The following ZMIZ2 variants were observed in gnomAD, a reference collection of about 807,000 sequenced individuals.
ZMIZ2 encodes zinc finger MIZ domain-containing protein 2.
ZMIZ2 carries 26 observed loss-of-function variants against 93.9 expected under a neutral mutation model. That is an observed-to-expected ratio of 0.28 (90% confidence interval 0.20 to 0.38). The LOEUF is 0.38. Among genes scored for constraint, ZMIZ2 ranks in the 10% least tolerant of loss-of-function variants. ZMIZ2 has a pLI of 1.00. For missense variants in ZMIZ2, 1,023 were observed against 1,235.0 expected (o/e 0.83, Z 2.57); for synonymous variants, 485 against 516.4 (o/e 0.94, Z 0.82).
chr7:44,750,429 A>AAC (rs2116580201), intron 1 of ZMIZ2, among the ~76,000 whole-genome samples: 1 of 152,310 alleles, frequency 6.6e-6, no homozygotes, highest in Non-Finnish European at 1.5e-5. Flanking sequence ...CCGCTCCTGC[A>AAC]ACATTCCACA....
In ZMIZ2 at chr7:44,766,814, G is replaced by GAT; in HGVS notation, c.2655+153_2655+154dup. The GAT allele has an allele frequency of 7.7e-7, 1 of 1,303,802 alleles. No individual in the cohort carries two copies. The highest frequency in any genetic ancestry group is 2.5e-5 in the East Asian group (1 of 40,358). 80.8% of individuals were successfully genotyped at this position (1,303,802 alleles called of 1,614,324 possible). A position where few individuals can be genotyped will look rare whatever the true frequency, so the allele number is the denominator to read the frequency against. On this transcript the variant is annotated intron_variant, in intron 18 of 18. Transcript: ENST00000309315. This position sits in a 1 kb window ranked among gnomAD's most constrained non-coding sequence, Gnocchi z 4.4. ...AAATGCAGCTTTTGTTCATGAATTA[G>GAT]ATACCTGGAGTAGCTGCGGGTGGGA...
intron 1 of ZMIZ2, among the ~76,000 whole-genome samples, chr7:44,753,853 T>G (rs916464700): frequency 1.3e-5 from 2 of 152,194 alleles, no homozygotes; most frequent in Admixed American, 1.3e-4. Context: ...GTATAAGGTG[T>G]GAAGTTTAGG....
intron 13 of ZMIZ2, among the ~76,000 whole-genome samples, 183 bp from the exon 14 acceptor site, chr7:44,764,236 G>T (rs1274402362): frequency 6.6e-6 from 1 of 152,234 alleles, no homozygotes; most frequent in Non-Finnish European, 1.5e-5. Context: ...CTCAGTGAGA[G>T]CTGTTTGGGC....
At chr7:44,762,005 G>T in intron 11 of ZMIZ2, 100 bp downstream of exon 11, 1 of 1,207,348 alleles carries the variant, frequency 8.3e-7, no homozygotes, top group Non-Finnish European at 1.1e-6. Context: ...TGTGGGCGGG[G>T]CCTGGCCCAG....
rs753993071 is a variant in ZMIZ2, at chr7:44,760,502, C to T, written c.1149C>T (p.Ser383=). The T allele has an allele frequency of 5.6e-6, 9 of 1,614,038 alleles. No individual in the cohort carries two copies. The highest frequency in any genetic ancestry group is 2.2e-5 in the South Asian group (2 of 91,092). The part of the protein sequence containing the change: ...NPTPPMTPSS[S]VPYMSPNQEV... The stretch of plus-strand genomic sequence containing the variant: ...CGCCACCCATGACCCCAAGCAGCAG[C>T]GTCCCTTACATGTCACCAAACCAAG... Residue 383 remains serine (S), a synonymous_variant, in exon 9 of 19, where the codon AGC becomes AGT. Coordinates refer to ENST00000309315, the MANE Select transcript of ZMIZ2 (RefSeq NM_031449.4).
At position 44,757,441 on chromosome 7, in the gene ZMIZ2, C is replaced by T; in HGVS notation, c.432C>T (p.Phe144=). 1 of 1,606,782 alleles carries T rather than the reference C, an allele frequency of 6.2e-7. No homozygotes were observed. Among genetic ancestry groups the T allele is most frequent in the Non-Finnish European group, 8.5e-7 (1 of 1,179,916 alleles). The change falls in exon 5 of 19, where the codon TTC becomes TTT. Residue 144 remains phenylalanine, a synonymous_variant. Coordinates refer to ENST00000309315, the MANE Select transcript of ZMIZ2 (RefSeq NM_031449.4). The part of the protein sequence containing the change: ...PSHAARPSTD[F]TQAAAAAAVA... ...ATGCTGCAAGACCCTCCACTGACTTCACGCAAGCGGCAGCTGCTGCAGCTG... is the reference window on the plus strand; with the variant it reads ...ATGCTGCAAGACCCTCCACTGACTTTACGCAAGCGGCAGCTGCTGCAGCTG...
rs766559282 is a variant in ZMIZ2 at position 44,767,649 on chromosome 7, G to A, written c.*26G>A. ...TCCTGTGTTTACCCCAAGCCCGGCGGGGACACGCTCACAGATGTCACCACA... is the reference window on the plus strand; with the variant it reads ...TCCTGTGTTTACCCCAAGCCCGGCGAGGACACGCTCACAGATGTCACCACA... On this transcript the variant is annotated 3_prime_UTR_variant, in exon 19 of 19. Transcript: ENST00000309315. The A allele has an allele frequency of 1.9e-6, 3 of 1,597,184 alleles. No individual in the cohort carries two copies. Among genetic ancestry groups the A allele is most frequent in the South Asian group, 2.2e-5 (2 of 90,654 alleles).
At position 44,765,655 on chromosome 7, in the gene ZMIZ2, C is replaced by A. The variant is rs1003159598; in HGVS notation, c.2242+76C>A. The A allele has an allele frequency of 6.5e-6, 10 of 1,536,858 alleles. No homozygotes were observed. Among genetic ancestry groups the A allele is most frequent in the Non-Finnish European group, 8.8e-6 (10 of 1,141,896 alleles). ...TCCTCTCCCCAGATCAGTCTCCTCA[C>A]CTGCAAGAATGTGGCTATGCAGGTC... On this transcript the variant is annotated intron_variant, in intron 16 of 18. Transcript: ENST00000309315. This position sits in a 1 kb window ranked among gnomAD's most constrained non-coding sequence, Gnocchi z 4.1.
Position 44,768,383 on chromosome 7 carries a change from C to T in ZMIZ2, c.*760C>T, listed in dbSNP as rs1016287601. On this transcript the variant is annotated 3_prime_UTR_variant, in exon 19 of 19. Coordinates refer to ENST00000309315, the MANE Select transcript of ZMIZ2 (RefSeq NM_031449.4). Reference sequence around the variant, plus strand: ...GTGCAGACAGATCAGGGAGGAACCTCCAATGGGTGGGGGACAGTGAGCTTC... The same window carrying T: ...GTGCAGACAGATCAGGGAGGAACCTTCAATGGGTGGGGGACAGTGAGCTTC... 6.5e-6 allele frequency: 1 copy of T among 152,722 alleles called. No homozygotes were observed. Among genetic ancestry groups the T allele is most frequent in the African/African-American group, 2.4e-5 (1 of 41,466 alleles). 9.5% of individuals were successfully genotyped at this position (152,722 alleles called of 1,614,324 possible).
intron 11 of ZMIZ2, 24 bp from the exon 12 acceptor site, chr7:44,762,857 T>G: frequency 2.2e-4 from 347 of 1,570,944 alleles, no homozygotes; most frequent in Middle Eastern, 3.4e-4. Context: ...GTCCCCCTGA[T>G]GACATCCTCC....
chr7:44,767,742 C>A lies in ZMIZ2; in HGVS notation c.*119C>A, dbSNP rs565213481. 3.5e-4 allele frequency: 302 copies of A among 872,128 alleles called. 1 individual carries two copies. The Middle Eastern group carries it at 3.6e-3, about 10-fold the overall frequency. The allele number at this position is 872,128 out of a possible 1,614,324, so 54.0% of individuals were successfully genotyped here. A position where few individuals can be genotyped will look rare whatever the true frequency, so the allele number is the denominator to read the frequency against. On this transcript the variant is annotated 3_prime_UTR_variant, in exon 19 of 19. Coordinates refer to ENST00000309315, the MANE Select transcript of ZMIZ2 (RefSeq NM_031449.4). ...TTTCCCAAACCTCCCCCAAAACACA[C>A]CTGGAGCCAGAGCCTTCTGCCGCCA...
chr7:44,757,182 A>C (rs1401869895), intron 4 of ZMIZ2, 33 bp downstream of exon 4: 7 of 1,568,488 alleles, frequency 4.5e-6, no homozygotes, highest in Non-Finnish European at 6.0e-6. Context: ...CAGGTATGCT[A>C]GGAGCCATCA....
Position 44,763,686 on chromosome 7 carries a change from C to G in ZMIZ2, c.1860+273C>G. 1 of 489,600 alleles carries G rather than the reference C, an allele frequency of 2.0e-6. No individual in the cohort carries two copies. The allele number at this position is 489,600 out of a possible 1,614,324, so 30.3% of individuals were successfully genotyped here. ...TTGAAAGGCATAAGATTGCAGGGTC[C>G]AGTCTTCCTGCCCTACCCCCAAGGG... On this transcript the variant is annotated intron_variant, in intron 13 of 18. Coordinates refer to ENST00000309315, the MANE Select transcript of ZMIZ2 (RefSeq NM_031449.4). This position sits in a 1 kb window ranked among gnomAD's most constrained non-coding sequence, Gnocchi z 5.6.
rs777552169 is a variant in ZMIZ2 at position 44,758,099 on chromosome 7, C to T, written c.804C>T (p.Thr268=). 6.4e-7 allele frequency: 1 copy of T among 1,571,560 alleles called. No homozygotes were observed. The highest frequency in any genetic ancestry group is 8.6e-7 in the Non-Finnish European group (1 of 1,161,220). The stretch of plus-strand genomic sequence containing the variant: ...TGCCCCGACAGGGGGTCAAGAGAAC[C>T]TACTCTGAGGTGAGTGTCCAGGTCA... The part of the protein sequence containing the change: ...QPLPRQGVKR[T]YSEVYPGQQY... The change falls in exon 6 of 19, where the codon ACC becomes ACT. Residue 268 remains threonine, a synonymous_variant. Coordinates refer to ENST00000309315, the MANE Select transcript of ZMIZ2 (RefSeq NM_031449.4).
intron 7 of ZMIZ2, 83 bp downstream of exon 7, chr7:44,759,543 G>A (rs1210425883): frequency 4.1e-6 from 5 of 1,222,988 alleles, no homozygotes; most frequent in South Asian, 5.5e-5. Context: ...TCCTGTCCTC[G>A]AGAGCGACAG....
chr7:44,752,730 C>T (rs1307747615), intron 1 of ZMIZ2, among the ~76,000 whole-genome samples: 1 of 152,184 alleles, frequency 6.6e-6, no homozygotes, highest in Non-Finnish European at 1.5e-5. Context: ...TATGGATGTA[C>T]CACCGTTGAT....
At position 44,769,760 on chromosome 7, in the gene ZMIZ2, G is replaced by A. The variant is rs1232985639; in HGVS notation, c.*2137G>A. On this transcript the variant is annotated 3_prime_UTR_variant, in exon 19 of 19. Coordinates refer to ENST00000309315, the MANE Select transcript of ZMIZ2 (RefSeq NM_031449.4). The stretch of plus-strand genomic sequence containing the variant: ...TCCTCAGAAGACTGGAGAAATGATT[G>A]AGGAATGCATGGGCACCGTGGCCCT... The A allele has an allele frequency of 6.6e-6, 1 of 152,356 alleles. No individual in the cohort carries two copies. The highest frequency in any genetic ancestry group is 6.5e-5 in the Admixed American group (1 of 15,284). The allele number at this position is 152,356 out of a possible 1,614,324, so 9.4% of individuals were successfully genotyped here.
In ZMIZ2 at chr7:44,765,213, G is replaced by C. The variant is rs1791579880; in HGVS notation, c.1998-122G>C. On this transcript the variant is annotated intron_variant, in intron 15 of 18. Transcript: ENST00000309315. This position sits in a 1 kb window ranked among gnomAD's most constrained non-coding sequence, Gnocchi z 4.1. ...CGTCCTGCTCGATGTGGAAGGTGCT[G>C]GGTGGAAGCAAGCATTTGAGTGGGG... The C allele has an allele frequency of 6.5e-7, 1 of 1,541,360 alleles. No individual in the cohort carries two copies. The highest frequency in any genetic ancestry group is 8.8e-7 in the Non-Finnish European group (1 of 1,140,464).
chr7:44,765,336 T>G lies in ZMIZ2; in HGVS notation c.1999T>G (p.Ser667Ala). The G allele has an allele frequency of 6.2e-7, 1 of 1,613,162 alleles. No homozygotes were observed. Among genetic ancestry groups the G allele is most frequent in the Non-Finnish European group, 8.5e-7 (1 of 1,179,910 alleles). ...CATTCCCCACCTGTCCCTGCCCAGC[T>G]CTGACTATGAGGAGATCACCATCGA... Reference protein sequence around the residue: ...MLGILIYIQNSDYEEITIDPT... With the variant: ...MLGILIYIQNADYEEITIDPT... Residue 667 changes from serine to alanine, a missense_variant and splice_region_variant, in exon 16 of 19, where the codon TCT becomes GCT. Ser to Ala is a moderately conservative substitution (Grantham distance 99). Around this residue, in one of 3 missense-constraint regions of ZMIZ2, gnomAD observed 319 missense variants for 358.8 expected, o/e 0.89. Coordinates refer to ENST00000309315, the MANE Select transcript of ZMIZ2 (RefSeq NM_031449.4). This position sits in a 1 kb window ranked among gnomAD's most constrained non-coding sequence, Gnocchi z 4.1.
Sources: gnomAD v4.1 joint callset for allele counts (sites outside exome capture counted in the v4.1 genomes callset) on GRCh38, gnomAD v4.1.1 for gene constraint, gnomAD v4.1.1 regional missense constraint, Gnocchi (gnomAD v3.1) non-coding constraint, MANE v1.5 for transcripts, NCBI Gene and HGNC (gene_info 2026-07-23, HGNC 2026-07-21) for gene names.